Variants in PPFIA2 observed in about 807,000 individuals in gnomAD.
PPFIA2 encodes PPFI scaffold protein A2.
PPFIA2 carries 46 observed loss-of-function variants against 175.5 expected under a neutral mutation model. The observed-to-expected ratio is 0.26, with a 90% CI of 0.21 to 0.34. PPFIA2 has a LOEUF of 0.34. PPFIA2 is among the 10% of genes least tolerant of loss of function. The pLI, the probability that PPFIA2 is intolerant of heterozygous loss-of-function variation, is 1.00. For synonymous variants in PPFIA2, 568 were observed against 511.4 expected, an observed-to-expected ratio of 1.11 and a Z score of -1.49; for missense variants, 1,179 against 1,506.1, an observed-to-expected ratio of 0.78 and a Z score of 3.60.
intron 22 of PPFIA2, chr12:81,302,656 G>A (rs1379093921): frequency 2.2e-6 from 1 of 452,784 alleles, no homozygotes; most frequent in East Asian, 7.0e-5. Flanking sequence ...TTTACACCAG[G>A]ACTGTGTGCT....
chr12:81,456,751 T>C (rs1566911292), intron 5 of PPFIA2, among the ~76,000 whole-genome samples: 1 of 152,160 alleles, frequency 6.6e-6, no homozygotes, highest in Non-Finnish European at 1.5e-5. Context: ...TGATTTTTTT[T>C]CTCAAAGAAA....
chr12:81,295,115 A>G (rs1283126050), intron 23 of PPFIA2, 80 bp from the exon 24 acceptor site: 6 of 1,346,800 alleles, frequency 4.5e-6, no homozygotes, highest in Non-Finnish European at 6.2e-6. Context: ...GAATTATTTT[A>G]TGTATCTTAC....
intron 4 of PPFIA2, among the ~76,000 whole-genome samples, chr12:81,573,732 C>T (rs963355900): frequency 2.0e-5 from 3 of 151,816 alleles, no homozygotes; most frequent in Admixed American, 6.6e-5. Context: ...ATGCCAGGGG[C>T]TTCAAAATTG....
intron 8 of PPFIA2, among the ~76,000 whole-genome samples, chr12:81,392,426 A>G (rs2040303464): frequency 6.6e-6 from 1 of 151,892 alleles, no homozygotes; most frequent in Non-Finnish European, 1.5e-5. Context: ...ACAGTAAAGA[A>G]TAGTGAATAT....
intron 7 of PPFIA2, among the ~76,000 whole-genome samples, chr12:81,439,168 T>C (rs1395379396): frequency 6.8e-6 from 1 of 147,770 alleles, no homozygotes; most frequent in African/African-American, 2.5e-5. Context: ...TCTCTCTCCC[T>C]CTCTCTCTCT....
intron 7 of PPFIA2, among the ~76,000 whole-genome samples, chr12:81,418,558 C>T (rs934145067): frequency 1.3e-5 from 2 of 151,942 alleles, no homozygotes; most frequent in African/African-American, 4.8e-5. Context: ...CATTTGTTTA[C>T]ACATTGTCTA....
At chr12:81,720,498 TTGG>T (rs769288986) in intron 3 of PPFIA2, among the ~76,000 whole-genome samples, 5 of 151,364 alleles carry the variant, frequency 3.3e-5, no homozygotes, top group Non-Finnish European at 7.4e-5. Context: ...TTTGCCCCTT[TTGG>T]TAAAGAGATC....
chr12:81,620,180 A>AAAG (rs1278718192), intron 4 of PPFIA2, among the ~76,000 whole-genome samples: 2 of 150,724 alleles, frequency 1.3e-5, no homozygotes, highest in East Asian at 1.9e-4. Context: ...AAAAAAAAAA[A>AAAG]AAGAAGAAAG....
At chr12:81,522,300 T>C (rs2063247452) in intron 4 of PPFIA2, among the ~76,000 whole-genome samples, 1 of 152,214 alleles carries the variant, frequency 6.6e-6, no homozygotes. Context: ...TTTAGAAATA[T>C]TAACCATCTA....
intron 4 of PPFIA2, among the ~76,000 whole-genome samples, chr12:81,591,097 G>A (rs192709330): frequency 6.6e-6 from 1 of 152,268 alleles, no homozygotes; most frequent in Admixed American, 6.5e-5. Flanking sequence ...CCAGGCTGAG[G>A]TGGTCTCAGA....
At chr12:81,565,660 A>G (rs564324285) in intron 4 of PPFIA2, among the ~76,000 whole-genome samples, 1 of 152,316 alleles carries the variant, frequency 6.6e-6, no homozygotes, top group South Asian at 2.1e-4. Context: ...CTCCAATTAT[A>G]AAATTATAGA....
In PPFIA2 at chr12:81,347,583, T is replaced by A; in HGVS notation, c.2182A>T (p.Thr728Ser). The change falls in exon 18 of 33, where the codon ACC (threonine) becomes TCC (serine). Residue 728 changes from threonine to serine, a missense_variant. Physicochemically the swap from Thr to Ser is moderately conservative, Grantham distance 58. Around this residue, in one of 10 missense-constraint regions of PPFIA2, gnomAD observed 223 missense variants for 241.6 expected, o/e 0.92. Transcript: ENST00000549396. ...PPSGHSTPKL[T>S]PRSPAREMDR... ...ATTTCCCTGGCAGGGCTTCGAGGGG[T>A]GAGCTTTGGAGTTGAGTGTCCACTG... 6.2e-7 allele frequency: 1 copy of A among 1,613,498 alleles called. No individual in the cohort carries two copies. The highest frequency in any genetic ancestry group is 8.5e-7 in the Non-Finnish European group (1 of 1,179,598).
chr12:81,478,863 C>T (rs951741096), intron 4 of PPFIA2, among the ~76,000 whole-genome samples: 11 of 152,000 alleles, frequency 7.2e-5, no homozygotes, highest in Admixed American at 2.0e-4. Context: ...AGAATAAGTG[C>T]GATGTGGTGC....
At chr12:81,722,865 A>G (rs536723108) in intron 3 of PPFIA2, among the ~76,000 whole-genome samples, 3 of 151,312 alleles carry the variant, frequency 2.0e-5, no homozygotes, top group African/African-American at 7.2e-5. Context: ...ACCTTCATAC[A>G]ATATGATTTT....
intron 4 of PPFIA2, among the ~76,000 whole-genome samples, chr12:81,570,898 T>A (rs1359175821): frequency 2.6e-5 from 4 of 151,980 alleles, no homozygotes. Context: ...CTGGTTTATA[T>A]TCTTCTAAAG....
intron 4 of PPFIA2, among the ~76,000 whole-genome samples, chr12:81,462,607 T>TATATATATATATATATATATAA (rs1566933960): frequency 8.8e-6 from 1 of 113,216 alleles, no homozygotes; most frequent in East Asian, 2.2e-4. Context: ...TATATATATA[T>TATATATATATATATATATATAA]AATATAGCGA....
chr12:81,344,640 T>G, intron 19 of PPFIA2, 24 bp downstream of exon 19: 1 of 1,506,216 alleles, frequency 6.6e-7, no homozygotes. Context: ...CAATTCGTAA[T>G]GATGTAAAAG....
At chr12:81,271,107 C>G (rs1293398397) in intron 28 of PPFIA2, among the ~76,000 whole-genome samples, 1 of 152,232 alleles carries the variant, frequency 6.6e-6, no homozygotes, top group African/African-American at 2.4e-5. Context: ...GTTTTTTAAT[C>G]TGTCCTTAAA....
chr12:81,421,174 T>C (rs976016101), intron 7 of PPFIA2, among the ~76,000 whole-genome samples: 1 of 152,120 alleles, frequency 6.6e-6, no homozygotes, highest in Admixed American at 6.6e-5. Flanking sequence ...ACAAGGAAGT[T>C]CTTCAAATTT....
Sources: allele counts gnomAD v4.1 joint callset (sites outside exome capture counted in the v4.1 genomes callset), GRCh38; gene constraint gnomAD v4.1.1; regional missense constraint gnomAD v4.1.1; transcripts MANE v1.5; gene names NCBI Gene and HGNC (gene_info 2026-07-23, HGNC 2026-07-21).